Variants in HDAC8 observed in about 807,000 individuals in gnomAD.
The protein encoded by HDAC8 is histone deacetylase 8.
A neutral mutation model predicts 32.2 loss-of-function variants in HDAC8; 1 was observed. That is an observed-to-expected ratio of 0.03 (90% CI 0.01 to 0.15). HDAC8 has a LOEUF of 0.15. Ranked by LOEUF, HDAC8 falls within the 10% of genes least tolerant of loss-of-function variation. The pLI is 1.00. For missense variants in HDAC8, 117 were observed against 300.0 expected, an observed-to-expected ratio of 0.39 and a Z score of 4.51; for synonymous variants, 108 against 113.9, an observed-to-expected ratio of 0.95 and a Z score of 0.33.
chrX:72,360,878 A>T (rs1555952271), intron 9 of HDAC8, among the ~76,000 whole-genome samples: 1 of 112,236 alleles, frequency 8.9e-6, no homozygotes, highest in East Asian at 2.8e-4. Flanking sequence ...AGTAGATTTT[A>T]TTGCCATGGC....
chrX:72,537,273 T>G (rs1383599891), intron 4 of HDAC8, among the ~76,000 whole-genome samples: 2 of 112,142 alleles, frequency 1.8e-5, no homozygotes, highest in Admixed American at 1.9e-4. Flanking sequence ...CTCAGTGACC[T>G]GTATCCAATG....
chrX:72,338,861 G>T (rs2043809331), intron 10 of HDAC8, among the ~76,000 whole-genome samples: 2 of 106,271 alleles, frequency 1.9e-5, no homozygotes, highest in African/African-American at 6.8e-5. Context: ...CCAGCCTGGG[G>T]AAAATAGGGA....
At chrX:72,340,194 C>T (rs1386385473) in intron 10 of HDAC8, among the ~76,000 whole-genome samples, 6 of 111,837 alleles carry the variant, frequency 5.4e-5, no homozygotes, top group African/African-American at 9.8e-5. Flanking sequence ...GAAGGATGGG[C>T]GCAAGTAACT....
intron 10 of HDAC8, 44 bp from the exon 11 acceptor site, chrX:72,330,120 T>A (rs1217946361): frequency 9.2e-7 from 1 of 1,087,619 alleles, no homozygotes; most frequent in Non-Finnish European, 1.3e-6. Context: ...AGGTAATGTA[T>A]GTGAATTATA....
chrX:72,560,631 T>C (rs2051522821), intron 4 of HDAC8, among the ~76,000 whole-genome samples: 1 of 108,169 alleles, frequency 9.2e-6, no homozygotes, highest in South Asian at 4.2e-4. Flanking sequence ...TTTCCAATCT[T>C]AGTGGGAAAG....
intron 7 of HDAC8, among the ~76,000 whole-genome samples, chrX:72,478,991 T>A (rs560256477): frequency 9.0e-6 from 1 of 111,371 alleles, no homozygotes; most frequent in South Asian, 3.8e-4. Context: ...TGGACATGGC[T>A]CTTTCCTGGT....
At chrX:72,467,079 G>A (rs1477116029) in intron 7 of HDAC8, 1 of 110,727 alleles carries the variant, frequency 9.0e-6, no homozygotes, top group African/African-American at 3.3e-5. Flanking sequence ...AGCTATAAAG[G>A]CGTAGCATGA....
Position 72,543,399 on chromosome X carries a change from G to A in HDAC8, c.437+24490C>T, listed in dbSNP as rs569218639. ...TAATGCATATGGCTGTGGCTGGAGA[G>A]CAGGTGGCCGTGGGACTTGTGAAAG... On this transcript the variant is annotated intron_variant, in intron 4 of 10. Transcript: ENST00000373573. Among the ~76,000 whole-genome samples, 36 of 111,612 alleles carry A rather than the reference G, an allele frequency of 3.2e-4. No homozygotes were observed. The South Asian group carries it at 0.012, about 38-fold the overall frequency.
At chrX:72,428,418 T>C (rs2046714385) in intron 9 of HDAC8, among the ~76,000 whole-genome samples, 1 of 112,337 alleles carries the variant, frequency 8.9e-6, no homozygotes, top group Non-Finnish European at 1.9e-5. Context: ...AAAGCAGGAA[T>C]AGGGTTTTTA....
chrX:72,397,234 A>G (rs1035135755), intron 9 of HDAC8, among the ~76,000 whole-genome samples: 2 of 111,750 alleles, frequency 1.8e-5, no homozygotes, highest in Admixed American at 9.5e-5. Flanking sequence ...GGGGATTACA[A>G]TTCAAACTGA....
chrX:72,470,009 G>A (rs1452741582), intron 7 of HDAC8, among the ~76,000 whole-genome samples: 6 of 109,805 alleles, frequency 5.5e-5, no homozygotes, highest in Non-Finnish European at 9.5e-5. Context: ...TTAGCTGGGC[G>A]TGGTGGTGGG....
At chrX:72,495,964 A>G (rs1556012830) in intron 4 of HDAC8, among the ~76,000 whole-genome samples, 1 of 111,967 alleles carries the variant, frequency 8.9e-6, no homozygotes, top group Non-Finnish European at 1.9e-5. Flanking sequence ...TATCAGTGAT[A>G]ATGCGTCACT....
intron 9 of HDAC8, among the ~76,000 whole-genome samples, chrX:72,388,112 G>C (rs994565396): frequency 1.9e-4 from 21 of 110,320 alleles, no homozygotes; most frequent in African/African-American, 6.6e-4. Context: ...GGCAGGAGTA[G>C]GGATAGCATA....
chrX:72,406,850 T>A (rs2046053305), intron 9 of HDAC8, among the ~76,000 whole-genome samples: 1 of 112,292 alleles, frequency 8.9e-6, no homozygotes, highest in African/African-American at 3.2e-5. Context: ...ATATGACTAG[T>A]GGCTACTGTA....
chrX:72,478,042 C>T (rs1435613605), intron 7 of HDAC8, among the ~76,000 whole-genome samples: 1 of 112,780 alleles, frequency 8.9e-6, no homozygotes, highest in Non-Finnish European at 1.9e-5. Flanking sequence ...GGAAGCGATT[C>T]ATTCTTCCCT....
chrX:72,394,286 C>A (rs1323782314), intron 9 of HDAC8, among the ~76,000 whole-genome samples: 1 of 111,072 alleles, frequency 9.0e-6, no homozygotes, highest in Non-Finnish European at 1.9e-5. Flanking sequence ...CTGGCAAATT[C>A]TCTCCATGTG....
intron 10 of HDAC8, among the ~76,000 whole-genome samples, chrX:72,333,514 C>A (rs1312997722): frequency 3.6e-5 from 4 of 110,344 alleles, no homozygotes; most frequent in Non-Finnish European, 7.6e-5. Context: ...CATGGTGAAA[C>A]CTCGTCTCTA....
At chrX:72,497,304 A>T (rs782809938) in intron 4 of HDAC8, among the ~76,000 whole-genome samples, 61 of 111,877 alleles carry the variant, frequency 5.5e-4, no homozygotes, top group Non-Finnish European at 1.0e-3. Context: ...AATCTCTTAA[A>T]GGAGCTCTGT....
chrX:72,542,006 A>C (rs1451071023), intron 4 of HDAC8, among the ~76,000 whole-genome samples: 1 of 111,808 alleles, frequency 8.9e-6, no homozygotes, highest in Non-Finnish European at 1.9e-5. Flanking sequence ...CTTAGTTATA[A>C]TATTTCCATC....
Sources: allele counts gnomAD v4.1 joint callset (sites outside exome capture counted in the v4.1 genomes callset), GRCh38; gene constraint gnomAD v4.1.1; transcripts MANE v1.5; gene names NCBI Gene and HGNC (gene_info 2026-07-23, HGNC 2026-07-21).